KIF13A: variants seen among roughly 807,000 people sequenced by gnomAD.
KIF13A encodes kinesin family member 13A.
Under a neutral mutation model 212.2 loss-of-function variants are expected in KIF13A, and 79 were observed. That is an observed-to-expected ratio of 0.37 (90% confidence interval 0.31 to 0.45). The LOEUF is 0.45. Among genes scored for constraint, KIF13A ranks in the 20% least tolerant of loss-of-function variants. The pLI is 1.00. For synonymous variants in KIF13A, 789 were observed against 808.6 expected, an observed-to-expected ratio of 0.98 and a Z score of 0.41; for missense variants, 1,901 against 2,209.0, an observed-to-expected ratio of 0.86 and a Z score of 2.79.
chr6:17,815,958 A>C (rs1248602617), intron 17 of KIF13A, among the ~76,000 whole-genome samples: 1 of 145,290 alleles, frequency 6.9e-6, no homozygotes, highest in Non-Finnish European at 1.5e-5. Context: ...CCCAGGCTGG[A>C]GTGCAATGGC....
chr6:17,891,980 A>G (rs113272624), intron 3 of KIF13A, among the ~76,000 whole-genome samples: 8 of 151,974 alleles, frequency 5.3e-5, no homozygotes, highest in African/African-American at 1.9e-4. Flanking sequence ...GACAAGAGAT[A>G]CCTCTTCCTC....
intron 9 of KIF13A, among the ~76,000 whole-genome samples, chr6:17,840,149 CTG>C (rs975828728): frequency 1.3e-5 from 2 of 152,108 alleles, no homozygotes; most frequent in African/African-American, 2.4e-5. Flanking sequence ...TAAAATGAGA[CTG>C]TAGTGATGGC....
chr6:17,815,338 T>C (rs970848015), intron 17 of KIF13A, among the ~76,000 whole-genome samples: 4 of 152,122 alleles, frequency 2.6e-5, no homozygotes, highest in South Asian at 2.1e-4. Context: ...GCCTGACTCA[T>C]GTCAGGCCTT....
In KIF13A at chr6:17,883,257, G is replaced by C. The variant is rs1375035568; in HGVS notation, c.160-9820C>G. 6.6e-6 allele frequency among the ~76,000 whole-genome samples: 1 copy of C among 152,174 alleles called. No homozygotes were observed. Among genetic ancestry groups the C allele is most frequent in the Non-Finnish European group, 1.5e-5 (1 of 68,028 alleles). ...AGATACTCAGGAGGCTGAAGCAAGA[G>C]GACTGCTTGAGCCCAGAAGTTTAAG... On this transcript the variant is annotated intron_variant, in intron 3 of 38. Coordinates refer to ENST00000259711, the MANE Select transcript of KIF13A (RefSeq NM_022113.6). The surrounding 1 kb of genome is among the most constrained non-coding windows in gnomAD (Gnocchi z 4.8).
intron 2 of KIF13A, 65 bp downstream of exon 2, chr6:17,986,989 G>C: frequency 8.3e-7 from 1 of 1,200,252 alleles, no homozygotes; most frequent in Non-Finnish European, 1.2e-6. Context: ...CCATTTTCCT[G>C]GCTCAAACTT....
intron 2 of KIF13A, among the ~76,000 whole-genome samples, chr6:17,972,954 T>C (rs1405974138): frequency 6.6e-6 from 1 of 151,814 alleles, no homozygotes; most frequent in Non-Finnish European, 1.5e-5. Context: ...GACCAGACCC[T>C]GAAGAGCCCC....
At chr6:17,881,888 C>T (rs187742746) in intron 3 of KIF13A, 24 of 396,680 alleles carry the variant, frequency 6.1e-5, no homozygotes, top group African/African-American at 2.3e-4. Context: ...TCCAGCTACT[C>T]GGGAGGCTGA....
chr6:17,957,408 G>C (rs1041370899), intron 2 of KIF13A, among the ~76,000 whole-genome samples: 9 of 152,128 alleles, frequency 5.9e-5, no homozygotes, highest in Non-Finnish European at 1.2e-4. Flanking sequence ...CTCGCCCTAT[G>C]TATCTCTTCA....
At chr6:17,832,231 T>C (rs566624542) in intron 12 of KIF13A, among the ~76,000 whole-genome samples, 4 of 152,336 alleles carry the variant, frequency 2.6e-5, no homozygotes, top group Non-Finnish European at 4.4e-5. Flanking sequence ...GAGAAATTCA[T>C]AATGCACATA....
rs1291038101 is a variant in KIF13A at position 17,987,044 on chromosome 6, C to T, written c.146+10G>A. 5 of 1,610,444 alleles carry T rather than the reference C, an allele frequency of 3.1e-6. No individual in the cohort carries two copies. The Middle Eastern group carries it at 8.3e-4, about 266-fold the overall frequency. On this transcript the variant is annotated intron_variant, in intron 2 of 38. Transcript: ENST00000259711. This position sits in a 1 kb window ranked among gnomAD's most constrained non-coding sequence, Gnocchi z 7.7. ...GATCCTCCCAGCCGCCCTCTCGGAA[C>T]CCGCTTTACCTTTCTCCCTGTTTGG...
chr6:17,848,494 T>C (rs919187388), intron 9 of KIF13A, among the ~76,000 whole-genome samples: 4 of 151,866 alleles, frequency 2.6e-5, no homozygotes, highest in South Asian at 2.1e-4. Context: ...TGTCAGAATA[T>C]GGTATTTGTG....
Position 17,816,122 on chromosome 6 carries a change from T to C in KIF13A, c.2000+898A>G, listed in dbSNP as rs531114107. Among the ~76,000 whole-genome samples, 4 of 152,068 alleles carry C rather than the reference T, an allele frequency of 2.6e-5. No homozygotes were observed. In the East Asian group the frequency reaches 5.8e-4, roughly 22 times the overall value. On this transcript the variant is annotated intron_variant, in intron 17 of 38. Transcript: ENST00000259711. The surrounding 1 kb of genome is among the most constrained non-coding windows in gnomAD (Gnocchi z 4.3). The stretch of plus-strand genomic sequence containing the variant: ...TTAGTAGAGACAGGGTTTCACCATG[T>C]TGGCCAGGCTGGTCTGGAACTCCTG...
chr6:17,788,935 G>A (rs958302157), intron 26 of KIF13A, among the ~76,000 whole-genome samples: 1 of 152,048 alleles, frequency 6.6e-6, no homozygotes, highest in Non-Finnish European at 1.5e-5. Context: ...ATGTTGGCCA[G>A]GCTGGTCTTG....
intron 18 of KIF13A, among the ~76,000 whole-genome samples, chr6:17,808,383 CTAAAAA>C (rs1415158988): frequency 4.4e-5 from 4 of 91,166 alleles, no homozygotes; most frequent in Admixed American, 2.3e-4. Context: ...AAGACTCAGT[CTAAAAA>C]CAAACAAACA....
chr6:17,929,651 T>G (rs1440103727), intron 2 of KIF13A, among the ~76,000 whole-genome samples: 1 of 152,112 alleles, frequency 6.6e-6, no homozygotes, highest in African/African-American at 2.4e-5. Flanking sequence ...CTGCCCGCCT[T>G]GGCCTCCCAA....
chr6:17,877,205 T>A (rs1163854856), intron 3 of KIF13A, among the ~76,000 whole-genome samples: 2 of 151,958 alleles, frequency 1.3e-5, no homozygotes, highest in Admixed American at 1.3e-4. Context: ...TATATATACT[T>A]TATTTTAATG....
intron 2 of KIF13A, among the ~76,000 whole-genome samples, chr6:17,905,247 CT>C: frequency 6.6e-6 from 1 of 152,214 alleles, no homozygotes; most frequent in East Asian, 1.9e-4. Flanking sequence ...TCAGACACCC[CT>C]GTTCTAAGTA....
chr6:17,770,160 G>A (rs1006115008), intron 38 of KIF13A, among the ~76,000 whole-genome samples: 1 of 151,990 alleles, frequency 6.6e-6, no homozygotes, highest in African/African-American at 2.4e-5. Flanking sequence ...GAGGGAATTG[G>A]GAATGGGTCT....
rs1776317660 is a variant in KIF13A at position 17,934,817 on chromosome 6, T to C, written c.147-36637A>G. 1.3e-5 allele frequency among the ~76,000 whole-genome samples: 2 copies of C among 151,074 alleles called. No homozygotes were observed. The highest frequency in any genetic ancestry group is 4.9e-5 in the African/African-American group (2 of 41,102). ...AAAAAAAAAAGACACTTAAAAATAATACTCTTGTGCTGTTTGTCATAAATA... is the reference window on the plus strand; with the variant it reads ...AAAAAAAAAAGACACTTAAAAATAACACTCTTGTGCTGTTTGTCATAAATA... On this transcript the variant is annotated intron_variant, in intron 2 of 38. Coordinates refer to ENST00000259711, the MANE Select transcript of KIF13A (RefSeq NM_022113.6). This position sits in a 1 kb window ranked among gnomAD's most constrained non-coding sequence, Gnocchi z 5.4.
Sources: gnomAD v4.1 joint callset for allele counts (sites outside exome capture counted in the v4.1 genomes callset) on GRCh38, gnomAD v4.1.1 for gene constraint, Gnocchi (gnomAD v3.1) non-coding constraint, MANE v1.5 for transcripts, NCBI Gene and HGNC (gene_info 2026-07-23, HGNC 2026-07-21) for gene names.